Variants in DNAH1 observed in about 807,000 individuals in gnomAD.
DNAH1 encodes dynein axonemal heavy chain 1, also known as axonemal beta dynein heavy chain 1.
DNAH1 carries 327 observed loss-of-function variants against 484.3 expected under a neutral mutation model. The ratio of observed to expected loss-of-function variants is 0.68; its 90% CI spans 0.62 to 0.74. The LOEUF is 0.74. DNAH1 is among the 30% of genes least tolerant of loss of function. The probability of loss-of-function intolerance (pLI) is 0.00; values close to 1 mark genes in which losing one functional copy is unlikely to be tolerated. For synonymous variants in DNAH1, 2,192 were observed against 2,191.9 expected, an observed-to-expected ratio of 1.00 and a Z score of 0.00; for missense variants, 5,052 against 5,546.8, an observed-to-expected ratio of 0.91 and a Z score of 2.83.
intron 1 of DNAH1, among the ~76,000 whole-genome samples, chr3:52,321,374 C>A (rs1462629729): frequency 6.6e-6 from 1 of 152,184 alleles, no homozygotes. Flanking sequence ...CCTCGGCCTC[C>A]CAAAGTGCTG....
intron 48 of DNAH1, among the ~76,000 whole-genome samples, chr3:52,380,709 CAG>C (rs1703807155): frequency 6.6e-6 from 1 of 152,194 alleles, no homozygotes; most frequent in Non-Finnish European, 1.5e-5. Flanking sequence ...ACAGGAGGAA[CAG>C]GGTATGCTGT....
chr3:52,384,712 G>A, intron 52 of DNAH1, 74 bp from the exon 53 acceptor site: 2 of 1,447,112 alleles, frequency 1.4e-6, no homozygotes, highest in Non-Finnish European at 9.2e-7. Context: ...CCAGGTTGCA[G>A]TGGCTGTGGG....
rs757605725 is a variant in DNAH1, at chr3:52,395,000, AC to A, written c.10911del (p.Asn3638ThrfsTer57). The A allele has an allele frequency of 6.2e-7, 1 of 1,612,316 alleles. No individual in the cohort carries two copies. The highest frequency in any genetic ancestry group is 8.5e-7 in the Non-Finnish European group (1 of 1,179,230). On this transcript the variant is annotated frameshift_variant, in exon 68 of 78. Transcript: ENST00000420323. LOFTEE classifies it high-confidence loss of function. ...VLRCLRGDKV[T>X]NAMQDFVATN... is the part of the protein sequence containing the mutation. ...CCGCTGCCTGCGTGGGGACAAGGTT[AC>A]CAACGCCATGCAGGACTTTGTGGCC...
chr3:52,332,019 T>A, intron 7 of DNAH1, 123 bp from the exon 8 acceptor site: 1 of 1,263,838 alleles, frequency 7.9e-7, no homozygotes, highest in Non-Finnish European at 1.1e-6. Flanking sequence ...CAACAGGGGG[T>A]CAGAAGAGGG....
chr3:52,374,342 T>C (rs2153224865), intron 44 of DNAH1: 1 of 1,506,192 alleles, frequency 6.6e-7, no homozygotes, highest in East Asian at 2.3e-5. Flanking sequence ...ATCTCTTGAG[T>C]GTCTACCACC....
intron 8 of DNAH1, among the ~76,000 whole-genome samples, chr3:52,341,867 C>T (rs1701953032): frequency 6.6e-6 from 1 of 152,124 alleles, no homozygotes; most frequent in African/African-American, 2.4e-5. Context: ...TGGAAGTACC[C>T]ATCTTGTGCC....
chr3:52,381,930 G>A lies in DNAH1; in HGVS notation c.7805+94G>A. On this transcript the variant is annotated intron_variant, in intron 49 of 77. Transcript: ENST00000420323. This position sits in a 1 kb window ranked among gnomAD's most constrained non-coding sequence, Gnocchi z 4.1. The stretch of plus-strand genomic sequence containing the variant: ...CTTTTGCACAGTGGTAGAGGCCTCG[G>A]GCAACCCTGAAGTAGGCCCGTGCAG... 7.3e-7 allele frequency: 1 copy of A among 1,365,540 alleles called. No individual in the cohort carries two copies. The highest frequency in any genetic ancestry group is 1.4e-5 in the South Asian group (1 of 70,256). 84.6% of individuals were successfully genotyped at this position (1,365,540 alleles called of 1,614,324 possible).
intron 46 of DNAH1, among the ~76,000 whole-genome samples, chr3:52,378,334 G>A (rs1048238100): frequency 5.9e-5 from 9 of 151,520 alleles, no homozygotes; most frequent in African/African-American, 1.5e-4. Context: ...CTGACCCCAC[G>A]AGCGCCCCCA....
chr3:52,327,289 C>T (rs181614641), intron 5 of DNAH1, among the ~76,000 whole-genome samples: 23 of 152,230 alleles, frequency 1.5e-4, no homozygotes, highest in Admixed American at 1.4e-3. Flanking sequence ...ATCAGTGCCA[C>T]CCCCGTGGGG....
Position 52,394,674 on chromosome 3 carries a change from C to T in DNAH1, c.10823+13C>T. ...TTGAGCCCCACCGGTTAGCTGGGCC[C>T]CAGAATATGGCAGGATGAGCCCATC... On this transcript the variant is annotated intron_variant, in intron 67 of 77. Transcript: ENST00000420323. 1 of 1,556,382 alleles carries T rather than the reference C, an allele frequency of 6.4e-7. No homozygotes were observed. Among genetic ancestry groups the T allele is most frequent in the Non-Finnish European group, 8.7e-7 (1 of 1,147,620 alleles).
intron 36 of DNAH1, 149 bp downstream of exon 36, chr3:52,367,036 G>A (rs1052161436): frequency 1.4e-5 from 14 of 974,796 alleles, no homozygotes; most frequent in African/African-American, 6.5e-5. Context: ...CTACTTCCTC[G>A]CTGAGTGACC....
intron 8 of DNAH1, among the ~76,000 whole-genome samples, chr3:52,338,117 A>G (rs1053183199): frequency 1.3e-5 from 2 of 151,892 alleles, no homozygotes; most frequent in African/African-American, 4.8e-5. Context: ...TAATTTATTT[A>G]TTTATTTTCG....
rs1702588885 is a variant in DNAH1, at chr3:52,355,887, C to G, written c.3694-727C>G. 6.6e-6 allele frequency among the ~76,000 whole-genome samples: 1 copy of G among 152,236 alleles called. No homozygotes were observed. Among genetic ancestry groups the G allele is most frequent in the South Asian group, 2.1e-4 (1 of 4,830 alleles). On this transcript the variant is annotated intron_variant, in intron 21 of 77. Transcript: ENST00000420323. The surrounding 1 kb of genome is among the most constrained non-coding windows in gnomAD (Gnocchi z 4.5). Reference sequence around the variant, plus strand: ...CCATTGTCGGTGCCTCTTTCAGAGTCCACTACACATGCCGGGCCCATGATT... The same window carrying G: ...CCATTGTCGGTGCCTCTTTCAGAGTGCACTACACATGCCGGGCCCATGATT...
chr3:52,327,304 A>G (rs1701382027), intron 5 of DNAH1, among the ~76,000 whole-genome samples: 1 of 152,092 alleles, frequency 6.6e-6, no homozygotes, highest in African/African-American at 2.4e-5. Flanking sequence ...GTGGGGTATA[A>G]ATCAGGAAAC....
In DNAH1 at chr3:52,378,662, A is replaced by G. The variant is rs1703709174; in HGVS notation, c.7259A>G (p.Tyr2420Cys). 4 of 1,613,554 alleles carry G rather than the reference A, an allele frequency of 2.5e-6. No individual in the cohort carries two copies. Among genetic ancestry groups the G allele is most frequent in the Non-Finnish European group, 3.4e-6 (4 of 1,179,838 alleles). The stretch of plus-strand genomic sequence containing the variant: ...CTTGTGGAAGCCACCATCATGGTGT[A>G]TGCAACCATCACCTCCCAGCTGCTG... The part of the protein sequence containing the change: ...EPLVEATIMV[Y>C]ATITSQLLPT... The change falls in exon 47 of 78, where the codon TAT (tyrosine) becomes TGT (cysteine). Residue 2420 changes from tyrosine (Y) to cysteine (C), a missense_variant. Tyr to Cys is a radical substitution (Grantham distance 194). Coordinates refer to ENST00000420323, the MANE Select transcript of DNAH1 (RefSeq NM_015512.5).
upstream of DNAH1, among the ~76,000 whole-genome samples, chr3:52,312,543 T>G (rs936051339): frequency 6.6e-6 from 1 of 151,068 alleles, no homozygotes; most frequent in African/African-American, 2.4e-5. Context: ...CGATCTCGGC[T>G]CACTGGAACC....
In DNAH1 at chr3:52,355,224, G is replaced by A. The variant is rs1163589085; in HGVS notation, c.3693+169G>A. On this transcript the variant is annotated intron_variant, in intron 21 of 77. Coordinates refer to ENST00000420323, the MANE Select transcript of DNAH1 (RefSeq NM_015512.5). The surrounding 1 kb of genome is among the most constrained non-coding windows in gnomAD (Gnocchi z 4.5). ...CCCCGCCCTACTGCATTCAGAGGAG[G>A]GCAACTAGGATGGGCTCTCCATCCA... Among the ~76,000 whole-genome samples, 2 of 152,190 alleles carry A rather than the reference G, an allele frequency of 1.3e-5. No homozygotes were observed. The highest frequency in any genetic ancestry group is 6.5e-5 in the Admixed American group (1 of 15,280).
intron 8 of DNAH1, among the ~76,000 whole-genome samples, chr3:52,333,421 CTT>C (rs1701626588): frequency 1.5e-5 from 2 of 129,340 alleles, no homozygotes; most frequent in Admixed American, 8.3e-5. Context: ...GAGTTTGACT[CTT>C]GTCACCCAGG....
Position 52,379,090 on chromosome 3 carries a change from G to A in DNAH1, c.7377+310G>A, listed in dbSNP as rs1703728167. Among the ~76,000 whole-genome samples, 1 of 152,186 alleles carries A rather than the reference G, an allele frequency of 6.6e-6. No individual in the cohort carries two copies. The highest frequency in any genetic ancestry group is 2.4e-5 in the African/African-American group (1 of 41,446). ...AGGGACAGTGAGCAGGGTGCCCTCT[G>A]GGAACCAAAAACCCCAGGTGGAAGG... On this transcript the variant is annotated intron_variant, in intron 47 of 77. Coordinates refer to ENST00000420323, the MANE Select transcript of DNAH1 (RefSeq NM_015512.5). The surrounding 1 kb of genome is among the most constrained non-coding windows in gnomAD (Gnocchi z 4.4).
Sources: allele counts gnomAD v4.1 joint callset (sites outside exome capture counted in the v4.1 genomes callset), GRCh38; gene constraint gnomAD v4.1.1; non-coding constraint Gnocchi (gnomAD v3.1); transcripts MANE v1.5; gene names NCBI Gene and HGNC (gene_info 2026-07-23, HGNC 2026-07-21).